RPS10: variants seen among roughly 807,000 people sequenced by gnomAD.
RPS10 encodes the protein small ribosomal subunit protein eS10.
A neutral mutation model predicts 22.6 loss-of-function variants in RPS10; 2 were observed. The observed-to-expected ratio is 0.09, with a 90% CI of 0.04 to 0.28. The LOEUF (loss-of-function observed/expected upper bound fraction) is 0.28. RPS10 is among the 10% of genes least tolerant of loss of function. The pLI is 1.00. For missense variants in RPS10, 137 were observed against 222.2 expected (o/e 0.62, Z 2.44); for synonymous variants, 70 against 75.9 (o/e 0.92, Z 0.40).
intron 4 of RPS10, 24 bp from the exon 5 acceptor site, chr6:34,418,448 G>C (rs1416220238): frequency 6.2e-7 from 1 of 1,614,152 alleles, no homozygotes; most frequent in South Asian, 1.1e-5. Context: ...CATCGATTTA[G>C]AATCATCATA....
chr6:34,418,546 C>T, intron 4 of RPS10, 122 bp from the exon 5 acceptor site: 1 of 1,443,450 alleles, frequency 6.9e-7, no homozygotes. Flanking sequence ...TAAATATAAG[C>T]AAATTACACC....
intron 4 of RPS10, among the ~76,000 whole-genome samples, chr6:34,421,446 CT>C (rs754393368): frequency 9.9e-4 from 150 of 151,782 alleles, no homozygotes; most frequent in African/African-American, 2.9e-3. Flanking sequence ...GACCCCCCCC[CT>C]CCAACCAAAG....
chr6:34,425,288 C>A, intron 1 of RPS10, 67 bp from the exon 2 acceptor site: 6 of 1,542,600 alleles, frequency 3.9e-6, no homozygotes, highest in Non-Finnish European at 5.2e-6. Flanking sequence ...TAATCAAGTT[C>A]TTGATCCTAA....
Position 34,424,763 on chromosome 6 carries a change from G to C in RPS10, c.228C>G (p.Ile76Met). The C allele has an allele frequency of 6.2e-7, 1 of 1,614,134 alleles. No homozygotes were observed. The highest frequency in any genetic ancestry group is 8.5e-7 in the Non-Finnish European group (1 of 1,180,020). Residue 76 changes from isoleucine (I) to methionine (M), a missense_variant, in exon 3 of 6, where the codon ATC becomes ATG. Coordinates refer to ENST00000648437, the MANE Select transcript of RPS10 (RefSeq NM_001014.5). ...HFYWYLTNEG[I>M]QYLRDYLHLP... Reference sequence around the variant, plus strand: ...GATGAAGGTAATCACGGAGATACTGGATACCCTCATTGGTAAGGTACCAGT... The same window carrying C: ...GATGAAGGTAATCACGGAGATACTGCATACCCTCATTGGTAAGGTACCAGT...
Position 34,424,920 on chromosome 6 carries a change from C to A in RPS10, c.151-80G>T. 17 of 1,609,550 alleles carry A rather than the reference C, an allele frequency of 1.1e-5. No individual in the cohort carries two copies. In the South Asian group the frequency reaches 1.9e-4, roughly 18 times the overall value. Reference sequence around the variant, plus strand: ...GGCAAGTCTCCAGTCCCAGCCAGCCCTTCAAGTTAGCAAGCAGCCCCCGCA... The same window carrying A: ...GGCAAGTCTCCAGTCCCAGCCAGCCATTCAAGTTAGCAAGCAGCCCCCGCA... On this transcript the variant is annotated intron_variant, in intron 2 of 5. Coordinates refer to ENST00000648437, the MANE Select transcript of RPS10 (RefSeq NM_001014.5).
intron 1 of RPS10, chr6:34,425,509 A>G: frequency 5.0e-6 from 2 of 400,220 alleles, no homozygotes; most frequent in Non-Finnish European, 9.5e-6. Flanking sequence ...GGGGGAGAGG[A>G]GCAAACCCTG....
rs766650777 is a variant in RPS10, at chr6:34,421,713, G to C, written c.400+17C>G. On this transcript the variant is annotated intron_variant, in intron 4 of 5. Transcript: ENST00000648437. Reference sequence around the variant, plus strand: ...TTTCACCCCAACACCCCTAATATAGGTGATGCATTTACTCACGTGGCACAG... The same window carrying C: ...TTTCACCCCAACACCCCTAATATAGCTGATGCATTTACTCACGTGGCACAG... The C allele has an allele frequency of 1.7e-5, 27 of 1,613,176 alleles. No homozygotes were observed. Among genetic ancestry groups the C allele is most frequent in the Middle Eastern group, 3.5e-4 (2 of 5,652 alleles).
chr6:34,420,160 A>G (rs12111384), intron 4 of RPS10, among the ~76,000 whole-genome samples: 194 of 152,292 alleles, frequency 1.3e-3, no homozygotes, highest in African/African-American at 4.4e-3. Flanking sequence ...TATGGCTCAC[A>G]TTGGGTACAA....
rs771472368 is a variant in RPS10, at chr6:34,426,064, G to A, written c.-33C>T. On this transcript the variant is annotated 5_prime_UTR_variant, in exon 1 of 6. Coordinates refer to ENST00000648437, the MANE Select transcript of RPS10 (RefSeq NM_001014.5). The stretch of plus-strand genomic sequence containing the variant: ...GCTGCAGGGTCCGGTACCGGGGCTG[G>A]AAAGGAAGGAGCATGCGCGGTGCTG... 1 of 152,350 alleles carries A rather than the reference G, an allele frequency of 6.6e-6. No homozygotes were observed. Among genetic ancestry groups the A allele is most frequent in the East Asian group, 2.0e-4 (1 of 5,038 alleles). The allele number at this position is 152,350 out of a possible 1,614,324, so 9.4% of individuals were successfully genotyped here. A position where few individuals can be genotyped will look rare whatever the true frequency, so the allele number is the denominator to read the frequency against.
chr6:34,424,902 CT>C (rs1765901601), intron 2 of RPS10, 62 bp from the exon 3 acceptor site: 1 of 1,611,584 alleles, frequency 6.2e-7, no homozygotes, highest in African/African-American at 1.3e-5. Context: ...CTAGGCAAGT[CT>C]CCAGTCCCAG....
rs201724991 is a variant in RPS10 at position 34,418,142 on chromosome 6, G to GT, written c.456+226dup. ...AGCATTAATGAAACAGAAAATACTA[G>GT]TAGGCCACATGTACTGATTTCTGAG... is the stretch of plus-strand genomic sequence containing the variant. On this transcript the variant is annotated intron_variant, in intron 5 of 5. Coordinates refer to ENST00000648437, the MANE Select transcript of RPS10 (RefSeq NM_001014.5). 4,836 of 1,456,772 alleles carry GT rather than the reference G, an allele frequency of 3.3e-3. 104 individuals carry two copies. In the African/African-American group the frequency reaches 0.052, roughly 16 times the overall value. 90.2% of individuals were successfully genotyped at this position (1,456,772 alleles called of 1,614,324 possible).
Position 34,418,474 on chromosome 6 carries a change from T to A in RPS10, c.401-50A>T, listed in dbSNP as rs138756023. 4.0e-4 allele frequency: 652 copies of A among 1,613,492 alleles called. No individual in the cohort carries two copies. In the African/African-American group the frequency reaches 6.2e-3, roughly 15 times the overall value. ...AATCATCATATGATCTAATCTACTA[T>A]AGAACAAGGGAAGACAACTCACTGA... On this transcript the variant is annotated intron_variant, in intron 4 of 5. Transcript: ENST00000648437.
At chr6:34,420,106 C>T (rs935790750) in intron 4 of RPS10, among the ~76,000 whole-genome samples, 1 of 152,198 alleles carries the variant, frequency 6.6e-6, no homozygotes, top group African/African-American at 2.4e-5. Flanking sequence ...CCTGTTTCCA[C>T]TTGCTTTTTC....
chr6:34,425,356 C>CA (rs1765919795), intron 1 of RPS10, 135 bp from the exon 2 acceptor site: 3 of 1,147,818 alleles, frequency 2.6e-6, no homozygotes, highest in African/African-American at 3.1e-5. Flanking sequence ...CTCCACAAAA[C>CA]AGATTCGGCA....
intron 3 of RPS10, among the ~76,000 whole-genome samples, chr6:34,423,774 C>T (rs777657801): frequency 8.6e-5 from 13 of 151,930 alleles, no homozygotes; most frequent in Non-Finnish European, 1.2e-4. Flanking sequence ...ATCCCAGTCT[C>T]GGGAGGCTGA....
intron 3 of RPS10, among the ~76,000 whole-genome samples, chr6:34,423,559 T>G (rs1467007791): frequency 6.6e-6 from 1 of 152,094 alleles, no homozygotes; most frequent in African/African-American, 2.4e-5. Flanking sequence ...TCCCAGGAGA[T>G]TCCAAGATGT....
intron 3 of RPS10, chr6:34,424,365 A>C: frequency 2.7e-6 from 1 of 377,040 alleles, no homozygotes. Context: ...CTTCTCGGGA[A>C]TAGTACAACG....
intron 3 of RPS10, 129 bp from the exon 4 acceptor site, chr6:34,421,936 A>G: frequency 3.4e-6 from 3 of 877,334 alleles, no homozygotes; most frequent in Non-Finnish European, 3.9e-6. Context: ...GTTAATGGGG[A>G]CAGGAACTCC....
chr6:34,417,954 ACTAC>A, intron 5 of RPS10: 1 of 719,786 alleles, frequency 1.4e-6, no homozygotes, highest in Admixed American at 2.0e-5. Context: ...TAATCTCACA[ACTAC>A]CTTAGTAGCT....
Sources: gnomAD v4.1 joint callset for allele counts (sites outside exome capture counted in the v4.1 genomes callset) on GRCh38, gnomAD v4.1.1 for gene constraint, MANE v1.5 for transcripts, NCBI Gene and HGNC (gene_info 2026-07-23, HGNC 2026-07-21) for gene names.